Variants in HS6ST3 observed in about 807,000 individuals in gnomAD.
HS6ST3 encodes the protein heparan sulfate 6-O-sulfotransferase 3.
A neutral mutation model predicts 36.7 loss-of-function variants in HS6ST3; 12 were observed. The observed-to-expected ratio is 0.33, with a 90% confidence interval of 0.21 to 0.53. HS6ST3 has a LOEUF of 0.53. Among genes scored for constraint, HS6ST3 ranks in the 20% least tolerant of loss-of-function variants. HS6ST3 has a pLI of 0.95. For missense variants in HS6ST3, 584 were observed against 640.9 expected, an observed-to-expected ratio of 0.91 and a Z score of 0.96; for synonymous variants, 240 against 257.5, an observed-to-expected ratio of 0.93 and a Z score of 0.65.
chr13:96,547,871 G>A (rs895506087), intron 1 of HS6ST3, among the ~76,000 whole-genome samples: 4 of 151,964 alleles, frequency 2.6e-5, no homozygotes, highest in Admixed American at 1.3e-4. Context: ...TTTAAGGCCC[G>A]ATAATCTTTT....
intron 1 of HS6ST3, among the ~76,000 whole-genome samples, chr13:96,494,307 A>G (rs1488793337): frequency 6.8e-6 from 1 of 146,386 alleles, no homozygotes; most frequent in Non-Finnish European, 1.5e-5. Context: ...AAAACCAAAC[A>G]CCGCCTGTTC....
At position 96,116,500 on chromosome 13, in the gene HS6ST3, C is replaced by G. The variant is rs143820604; in HGVS notation, c.707+24931C>G. On this transcript the variant is annotated intron_variant, in intron 1 of 1. Transcript: ENST00000376705. ...AGAAACAACAGCATGGCAGACACCC[C>G]CAAAATGCGTTTAACGTGCAGTGAA... 3.9e-3 allele frequency among the ~76,000 whole-genome samples: 599 copies of G among 152,212 alleles called. 2 individuals carry two copies. The highest frequency in any genetic ancestry group is 0.014 in the African/African-American group (588 of 41,534).
chr13:96,305,819 G>T (rs1244023391), intron 1 of HS6ST3, among the ~76,000 whole-genome samples: 2 of 149,380 alleles, frequency 1.3e-5, no homozygotes, highest in African/African-American at 4.9e-5. Context: ...TGTTATCTGG[G>T]TCATTGTTTG....
rs547949976 is a variant in HS6ST3 at position 96,284,030 on chromosome 13, G to A, written c.707+192461G>A. On this transcript the variant is annotated intron_variant, in intron 1 of 1. Coordinates refer to ENST00000376705, the MANE Select transcript of HS6ST3 (RefSeq NM_153456.4). ...GAAAACGTACATTTTTGTTCCATTT[G>A]TTTCTTTCCCCAAATCTTAACAGAA... Among the ~76,000 whole-genome samples, 23 of 152,190 alleles carry A rather than the reference G, an allele frequency of 1.5e-4. No individual in the cohort carries two copies. The East Asian group carries it at 3.5e-3, about 23-fold the overall frequency.
At chr13:96,586,617 A>T (rs1470239978) in intron 1 of HS6ST3, among the ~76,000 whole-genome samples, 1 of 152,076 alleles carries the variant, frequency 6.6e-6, no homozygotes, top group Non-Finnish European at 1.5e-5. Flanking sequence ...CTTTTGATAT[A>T]TGTCTATTTA....
In HS6ST3 at chr13:96,658,268, C is replaced by CTTTT. The variant is rs71213623; in HGVS notation, c.708-174195_708-174192dup. Among the ~76,000 whole-genome samples the CTTTT allele has an allele frequency of 3.7e-4, 28 of 76,166 alleles. 3 individuals carry two copies. Among genetic ancestry groups the CTTTT allele is most frequent in the African/African-American group, 1.0e-3 (19 of 18,510 alleles). The allele number at this position is 76,166 out of a possible 152,430, so 50.0% of individuals were successfully genotyped here. A position where few individuals can be genotyped will look rare whatever the true frequency, so the allele number is the denominator to read the frequency against. ...TTCTTCTTCTTCTTCTCTTCTTCTT[C>CTTTT]TTTTTTTTTTTTTTTTTTTTTTTTT... is the stretch of plus-strand genomic sequence containing the variant. On this transcript the variant is annotated intron_variant, in intron 1 of 1. Transcript: ENST00000376705.
At chr13:96,501,477 A>G (rs1285056745) in intron 1 of HS6ST3, among the ~76,000 whole-genome samples, 1 of 152,176 alleles carries the variant, frequency 6.6e-6, no homozygotes, top group African/African-American at 2.4e-5. Context: ...CAAGTTATGT[A>G]GCTGTGCTGT....
chr13:96,270,041 C>T lies in HS6ST3; in HGVS notation c.707+178472C>T, dbSNP rs186393775. Among the ~76,000 whole-genome samples, 159 of 152,030 alleles carry T rather than the reference C, an allele frequency of 1.0e-3. 1 individual carries two copies. The highest frequency in any genetic ancestry group is 3.6e-3 in the African/African-American group (150 of 41,374). ...CTTTGGTCAGCCGTGAGAGCTTAGA[C>T]GTACCTGGTTATCTGTCCAGTGGTC... On this transcript the variant is annotated intron_variant, in intron 1 of 1. Transcript: ENST00000376705.
rs567887690 is a variant in HS6ST3 at position 96,367,813 on chromosome 13, T to C, written c.707+276244T>C. Among the ~76,000 whole-genome samples the C allele has an allele frequency of 2.6e-5, 4 of 152,338 alleles. No individual in the cohort carries two copies. In the South Asian group the frequency reaches 8.3e-4, roughly 32 times the overall value. ...CGGAAGGGCTTGTCTTGAGAGCCAG[T>C]AGGTTTTGTAACCTAATCTATTTGC... On this transcript the variant is annotated intron_variant, in intron 1 of 1. Coordinates refer to ENST00000376705, the MANE Select transcript of HS6ST3 (RefSeq NM_153456.4).
At chr13:96,479,395 A>G (rs948150093) in intron 1 of HS6ST3, among the ~76,000 whole-genome samples, 11 of 152,226 alleles carry the variant, frequency 7.2e-5, no homozygotes, top group East Asian at 1.9e-4. Context: ...CTTGAAGGCC[A>G]TGGAAAGAGT....
At chr13:96,092,923 T>C (rs2053772207) in intron 1 of HS6ST3, among the ~76,000 whole-genome samples, 1 of 152,218 alleles carries the variant, frequency 6.6e-6, no homozygotes, top group African/African-American at 2.4e-5. Context: ...CTTAGTATAT[T>C]TTACGGATCC....
At chr13:96,304,729 T>TCTTTCTTTCTTTCTTTCTTTCTTTCTTTC (rs1209033140) in intron 1 of HS6ST3, among the ~76,000 whole-genome samples, 8 of 143,982 alleles carry the variant, frequency 5.6e-5, no homozygotes, top group East Asian at 2.0e-4. Flanking sequence ...TTTTTTTTTT[T>TCTTTCTTTCTTTCTTTCTTTCTTTCTTTC]TTACAGAATC....
At chr13:96,248,712 G>C (rs1405655864) in intron 1 of HS6ST3, among the ~76,000 whole-genome samples, 1 of 152,150 alleles carries the variant, frequency 6.6e-6, no homozygotes, top group African/African-American at 2.4e-5. Flanking sequence ...ATTTGGATGA[G>C]TTGGGAACAT....
At chr13:96,488,094 G>A (rs541996917) in intron 1 of HS6ST3, among the ~76,000 whole-genome samples, 142 of 152,178 alleles carry the variant, frequency 9.3e-4, no homozygotes, top group African/African-American at 3.4e-3. Context: ...CATTTTTATT[G>A]TTAACCTGTG....
intron 1 of HS6ST3, among the ~76,000 whole-genome samples, chr13:96,763,598 AG>A (rs1438465368): frequency 2.0e-5 from 3 of 151,954 alleles, no homozygotes; most frequent in Admixed American, 6.6e-5. Flanking sequence ...TTATAAAATG[AG>A]GCAGCATTAC....
intron 1 of HS6ST3, among the ~76,000 whole-genome samples, chr13:96,259,271 A>G (rs868090871): frequency 7.2e-5 from 11 of 152,256 alleles, no homozygotes; most frequent in Admixed American, 1.3e-4. Context: ...CTTTCAAGAC[A>G]TGATAAGGCA....
chr13:96,782,978 G>A (rs190546742), intron 1 of HS6ST3, among the ~76,000 whole-genome samples: 1 of 152,230 alleles, frequency 6.6e-6, no homozygotes, highest in East Asian at 1.9e-4. Flanking sequence ...TCATCTATAA[G>A]AACAAGCAGA....
At chr13:96,653,871 T>A (rs1041418887) in intron 1 of HS6ST3, among the ~76,000 whole-genome samples, 1 of 152,218 alleles carries the variant, frequency 6.6e-6, no homozygotes, top group African/African-American at 2.4e-5. Flanking sequence ...AAGCATCTGT[T>A]GTTTCCTGAC....
intron 1 of HS6ST3, among the ~76,000 whole-genome samples, chr13:96,351,164 A>G (rs1018143891): frequency 6.6e-6 from 1 of 152,156 alleles, no homozygotes; most frequent in African/African-American, 2.4e-5. Flanking sequence ...GAAAGATAAT[A>G]AACTATGACA....
Sources: allele counts gnomAD v4.1 joint callset (sites outside exome capture counted in the v4.1 genomes callset), GRCh38; gene constraint gnomAD v4.1.1; transcripts MANE v1.5; gene names NCBI Gene and HGNC (gene_info 2026-07-23, HGNC 2026-07-21).